The following ARHGEF38 variants were observed in gnomAD, a reference collection of about 807,000 sequenced individuals.
ARHGEF38 encodes Rho guanine nucleotide exchange factor (GEF) 38.
In ARHGEF38, 79 loss-of-function variants were observed where a neutral mutation model predicts 79.9. That is an observed-to-expected ratio of 0.99 (90% CI 0.82 to 1.19). The LOEUF (loss-of-function observed/expected upper bound fraction) is 1.19. Ranked by LOEUF, ARHGEF38 falls within the 50% of genes most tolerant of loss-of-function variation. The pLI is 0.00. For missense variants in ARHGEF38, 962 were observed against 907.2 expected (o/e 1.06, Z -0.78); for synonymous variants, 366 against 328.3 (o/e 1.11, Z -1.24).
intron 3 of ARHGEF38, among the ~76,000 whole-genome samples, chr4:105,629,537 G>C (rs1443114742): frequency 7.1e-6 from 1 of 140,828 alleles, no homozygotes; most frequent in African/African-American, 3.0e-5. Context: ...CCAGATCACT[G>C]TCAATCTATT....
Position 105,679,931 on chromosome 4 carries a change from T to G in ARHGEF38, c.*1994T>G. The G allele has an allele frequency of 7.2e-7, 1 of 1,387,190 alleles. No individual in the cohort carries two copies. The allele number at this position is 1,387,190 out of a possible 1,614,324, so 85.9% of individuals were successfully genotyped here. On this transcript the variant is annotated 3_prime_UTR_variant, in exon 14 of 14. Transcript: ENST00000420470. ...CACCAAAACTTTATAATTACCTCTCTGAAGCCTTTTAGTGTAATTTCTCTT... is the reference window on the plus strand; with the variant it reads ...CACCAAAACTTTATAATTACCTCTCGGAAGCCTTTTAGTGTAATTTCTCTT...
intron 1 of ARHGEF38, among the ~76,000 whole-genome samples, chr4:105,565,369 A>C (rs1725835947): frequency 6.6e-6 from 1 of 152,174 alleles, no homozygotes; most frequent in Non-Finnish European, 1.5e-5. Flanking sequence ...TTTCCATTGA[A>C]ACTGATTTTA....
chr4:105,633,215 T>A (rs1486540082), intron 4 of ARHGEF38: 2 of 152,092 alleles, frequency 1.3e-5, no homozygotes, highest in South Asian at 4.1e-4. Flanking sequence ...GGAAAGAAAA[T>A]CAAATAAAAT....
At chr4:105,598,573 A>G (rs1171644076) in intron 2 of ARHGEF38, among the ~76,000 whole-genome samples, 10 of 152,204 alleles carry the variant, frequency 6.6e-5, no homozygotes, top group Admixed American at 6.5e-4. Context: ...TTAACTATCA[A>G]TACAAATATT....
chr4:105,601,222 T>G (rs1380556287), intron 2 of ARHGEF38, among the ~76,000 whole-genome samples: 1 of 152,200 alleles, frequency 6.6e-6, no homozygotes, highest in Non-Finnish European at 1.5e-5. Flanking sequence ...CTCTTCACTC[T>G]TTCTTGAACA....
chr4:105,573,095 T>C (rs1726316287), intron 1 of ARHGEF38, among the ~76,000 whole-genome samples: 1 of 152,216 alleles, frequency 6.6e-6, no homozygotes, highest in South Asian at 2.1e-4. Context: ...GTTTATTTTG[T>C]TGTTGTTATT....
intron 4 of ARHGEF38, among the ~76,000 whole-genome samples, chr4:105,634,380 T>C (rs1236236738): frequency 6.6e-6 from 1 of 152,108 alleles, no homozygotes; most frequent in African/African-American, 2.4e-5. Context: ...AATTGGAAAT[T>C]AGCAAGTTTT....
intron 1 of ARHGEF38, among the ~76,000 whole-genome samples, chr4:105,578,170 T>G (rs904354293): frequency 6.6e-6 from 1 of 152,222 alleles, no homozygotes; most frequent in Non-Finnish European, 1.5e-5. Context: ...TATCTTGATT[T>G]CATCAGTAAC....
At chr4:105,647,348 G>T (rs1578344268) in intron 6 of ARHGEF38, among the ~76,000 whole-genome samples, 1 of 150,360 alleles carries the variant, frequency 6.7e-6, no homozygotes, top group African/African-American at 2.4e-5. Flanking sequence ...TGGTACTATA[G>T]TTTGTTTTTT....
At chr4:105,560,640 T>A (rs1725471994) in intron 1 of ARHGEF38, among the ~76,000 whole-genome samples, 1 of 152,210 alleles carries the variant, frequency 6.6e-6, no homozygotes, top group African/African-American at 2.4e-5. Context: ...AATGTTTTTC[T>A]TGATTAATGA....
rs1578253642 is a variant in ARHGEF38 at position 105,561,469 on chromosome 4, A to AATGGAATGGAATGGAATGGAATGGAATG, written c.196+8508_196+8509insATGGAATGGAATGGAATGGAATGGAATG. ...AGAATGGAATAGAATAGAATAGAATAGAATAGAATAGAATAGAATAGAATA... is the reference window on the plus strand; with the variant it reads ...AGAATGGAATAGAATAGAATAGAATAATGGAATGGAATGGAATGGAATGGAATGGAATAGAATAGAATAGAATAGAATA... On this transcript the variant is annotated intron_variant, in intron 1 of 13. Transcript: ENST00000420470. The AATGGAATGGAATGGAATGGAATGGAATG allele has an allele frequency of 2.0e-4, 10 of 49,656 alleles. 1 individual carries two copies. The highest frequency in any genetic ancestry group is 3.7e-4 in the Non-Finnish European group (9 of 24,564). 3.1% of individuals were successfully genotyped at this position (49,656 alleles called of 1,614,324 possible).
At chr4:105,656,876 C>A (rs890088678) in intron 9 of ARHGEF38, among the ~76,000 whole-genome samples, 8 of 152,058 alleles carry the variant, frequency 5.3e-5, no homozygotes, top group African/African-American at 1.9e-4. Flanking sequence ...AGTAGAAAAA[C>A]CAGGCAGGAG....
chr4:105,608,037 G>A (rs1017641367), intron 2 of ARHGEF38, among the ~76,000 whole-genome samples: 3 of 152,084 alleles, frequency 2.0e-5, no homozygotes, highest in Admixed American at 1.3e-4. Flanking sequence ...TGGAAGCTGG[G>A]AAGTCCCAGA....
chr4:105,556,524 C>CA (rs1725259358), intron 1 of ARHGEF38, among the ~76,000 whole-genome samples: 1 of 152,106 alleles, frequency 6.6e-6, no homozygotes, highest in Admixed American at 6.6e-5. Flanking sequence ...AGGGAAGGTA[C>CA]AGGTAAGAGA....
intron 1 of ARHGEF38, among the ~76,000 whole-genome samples, chr4:105,564,473 G>T (rs1286472731): frequency 6.6e-6 from 1 of 152,112 alleles, no homozygotes; most frequent in Non-Finnish European, 1.5e-5. Context: ...GTAGAATGGT[G>T]GTTTCCAGGG....
At chr4:105,649,743 T>C (rs1180814752) in intron 7 of ARHGEF38, among the ~76,000 whole-genome samples, 1 of 152,174 alleles carries the variant, frequency 6.6e-6, no homozygotes, top group East Asian at 1.9e-4. Context: ...CTTTGCAGCT[T>C]TCCAACCACT....
intron 2 of ARHGEF38, among the ~76,000 whole-genome samples, chr4:105,612,818 A>C (rs1253066006): frequency 6.6e-6 from 1 of 152,172 alleles, no homozygotes; most frequent in Admixed American, 6.6e-5. Context: ...TCTAAGAATA[A>C]TTACACTGGT....
At chr4:105,554,547 T>C (rs948718064) in intron 1 of ARHGEF38, among the ~76,000 whole-genome samples, 1 of 152,244 alleles carries the variant, frequency 6.6e-6, no homozygotes, top group African/African-American at 2.4e-5. Flanking sequence ...TGTTCTTTCT[T>C]CTGGCTGTGT....
intron 10 of ARHGEF38, 27 bp downstream of exon 10, chr4:105,659,392 GCTA>G (rs1421895355): frequency 1.3e-6 from 2 of 1,517,482 alleles, no homozygotes. Flanking sequence ...CACCTAGCTA[GCTA>G]CCTTGGCCTA....
Sources: allele counts gnomAD v4.1 joint callset (sites outside exome capture counted in the v4.1 genomes callset), GRCh38; gene constraint gnomAD v4.1.1; transcripts MANE v1.5; gene names NCBI Gene and HGNC (gene_info 2026-07-23, HGNC 2026-07-21).